PPP2R3B: variants seen among roughly 807,000 people sequenced by gnomAD.
PPP2R3B encodes serine/threonine-protein phosphatase 2A regulatory subunit B'' subunit beta.
PPP2R3B carries 68 observed loss-of-function variants against 72.9 expected under a neutral mutation model. The ratio of observed to expected loss-of-function variants is 0.93; its 90% confidence interval spans 0.77 to 1.14. The LOEUF (loss-of-function observed/expected upper bound fraction) is 1.14, where lower values mean the gene tolerates loss of function less well. Ranked by LOEUF, PPP2R3B falls within the 50% of genes most tolerant of loss-of-function variation. PPP2R3B has a pLI of 0.00. For synonymous variants in PPP2R3B, 466 were observed against 375.8 expected, an observed-to-expected ratio of 1.24 and a Z score of -2.78; for missense variants, 1,018 against 842.0, an observed-to-expected ratio of 1.21 and a Z score of -2.59.
At chrX:346,341 G>C (rs982748705) in intron 5 of PPP2R3B, 81 bp from the exon 6 acceptor site, 1 of 1,398,196 alleles carries the variant, frequency 7.2e-7, no homozygotes, top group Non-Finnish European at 9.8e-7. Flanking sequence ...AGCCGGGAGA[G>C]GGGCGCGCCC....
At position 386,503 on chromosome X, in the gene PPP2R3B, G is replaced by T. The variant is rs1203519522; in HGVS notation, c.189C>A (p.Leu63=). 7.7e-7 allele frequency: 1 copy of T among 1,303,752 alleles called. No individual in the cohort carries two copies. Among genetic ancestry groups the T allele is most frequent in the East Asian group, 3.2e-5 (1 of 31,488 alleles). The allele number at this position is 1,303,752 out of a possible 1,614,324, so 80.8% of individuals were successfully genotyped here. ...EQPGAWPTAP[L]AAPRPSGLEP... ...CGAGCCCGCTGGGCCGGGGGGCGGC[G>T]AGCGGGGCTGTGGGCCAGGCCCCGG... Residue 63 remains leucine (L), a synonymous_variant, in exon 1 of 13, where the codon CTC becomes CTA. Coordinates refer to ENST00000390665, the MANE Select transcript of PPP2R3B (RefSeq NM_013239.5).
intron 2 of PPP2R3B, among the ~76,000 whole-genome samples, chrX:358,392 T>C (rs866549488): frequency 1.1e-5 from 1 of 91,524 alleles, no homozygotes; most frequent in Non-Finnish European, 2.5e-5. Context: ...TCACGGTGGG[T>C]GCTCGAGCAC....
chrX:373,436 G>T (rs927485074), intron 1 of PPP2R3B: 2 of 152,152 alleles, frequency 1.3e-5, no homozygotes, highest in African/African-American at 2.4e-5. Flanking sequence ...GGCCAGCAGC[G>T]GCGAGCGGGG....
Position 338,555 on chromosome X carries a change from C to T in PPP2R3B, c.1577+49G>A, listed in dbSNP as rs374411517. On this transcript the variant is annotated intron_variant, in intron 12 of 12. Transcript: ENST00000390665. ...CCACTCACCCGTCCTCCCCACTCAC[C>T]CGTCCTCCCACTGACCCGTCCCCCC... 929 of 1,375,038 alleles carry T rather than the reference C, an allele frequency of 6.8e-4. 4 individuals are homozygous for T. Among genetic ancestry groups the T allele is most frequent in the Non-Finnish European group, 8.9e-4 (894 of 1,009,292 alleles). The allele number at this position is 1,375,038 out of a possible 1,614,324, so 85.2% of individuals were successfully genotyped here.
chrX:347,449 C>T, intron 3 of PPP2R3B, 113 bp from the exon 4 acceptor site: 2 of 1,347,872 alleles, frequency 1.5e-6, no homozygotes, highest in Non-Finnish European at 2.1e-6. Flanking sequence ...CAGGTGGCCA[C>T]ACACGACGGC....
intron 1 of PPP2R3B, among the ~76,000 whole-genome samples, chrX:368,079 T>G (rs150905538): frequency 6.6e-6 from 1 of 151,956 alleles, no homozygotes; most frequent in Admixed American, 6.6e-5. Context: ...CTGAGCCCGC[T>G]AGGCAAGGCG....
intron 1 of PPP2R3B, 26 bp downstream of exon 1, chrX:386,339 AGTT>A (rs1376648106): frequency 8.4e-6 from 11 of 1,304,780 alleles, no homozygotes; most frequent in African/African-American, 6.1e-5. Context: ...CCACCTGCGC[AGTT>A]GTTAGCAGAA....
In PPP2R3B at chrX:334,214, C is replaced by A. The variant is rs2070821641; in HGVS notation, c.*153G>T. ...GCTCTGGGCAGGTCCAGCCACGAAC[C>A]CACAGCGGCAATCAACACGCTTCTG... is the stretch of plus-strand genomic sequence containing the variant. On this transcript the variant is annotated 3_prime_UTR_variant, in exon 13 of 13. Transcript: ENST00000390665. 4 of 964,188 alleles carry A rather than the reference C, an allele frequency of 4.1e-6. No homozygotes were observed. The highest frequency in any genetic ancestry group is 8.3e-5 in the Admixed American group (2 of 24,188). 59.7% of individuals were successfully genotyped at this position (964,188 alleles called of 1,614,324 possible).
At chrX:373,197 G>A (rs961574968) in intron 1 of PPP2R3B, among the ~76,000 whole-genome samples, 3 of 152,196 alleles carry the variant, frequency 2.0e-5, no homozygotes, top group Admixed American at 6.5e-5. Context: ...AGGCGCTGAC[G>A]GCTCTCACCC....
At chrX:368,108 C>A (rs995675749) in intron 1 of PPP2R3B, among the ~76,000 whole-genome samples, 1 of 152,054 alleles carries the variant, frequency 6.6e-6, no homozygotes, top group African/African-American at 2.4e-5. Context: ...CCACCCCGGG[C>A]ACAGACACAG....
intron 1 of PPP2R3B, among the ~76,000 whole-genome samples, chrX:378,447 G>A (rs746099005): frequency 2.0e-5 from 3 of 152,262 alleles, no homozygotes; most frequent in East Asian, 1.9e-4. Flanking sequence ...TTACGAAGGC[G>A]ACCTGCCCTT....
intron 2 of PPP2R3B, 86 bp downstream of exon 2, chrX:361,319 C>T (rs1374848708): frequency 6.8e-7 from 1 of 1,479,248 alleles, no homozygotes; most frequent in Non-Finnish European, 9.3e-7. Flanking sequence ...GCTCGTGTGA[C>T]ACGCACCCAC....
intron 1 of PPP2R3B, among the ~76,000 whole-genome samples, chrX:374,325 A>G (rs1457043291): frequency 1.3e-5 from 2 of 152,210 alleles, no homozygotes; most frequent in East Asian, 3.9e-4. Flanking sequence ...CTGCGCCTCC[A>G]CAAACACGCA....
rs754955370 is a variant in PPP2R3B, at chrX:340,996, T to G, written c.1176-56A>C. ...CCCTGGGCCCTCCCAGCCCGTGACC[T>G]GCAGCCCCTGAGGCAGCCCCCACCG... On this transcript the variant is annotated intron_variant, in intron 9 of 12. Coordinates refer to ENST00000390665, the MANE Select transcript of PPP2R3B (RefSeq NM_013239.5). The G allele has an allele frequency of 1.9e-4, 302 of 1,560,828 alleles. No homozygotes were observed. In the African/African-American group the frequency reaches 4.6e-3, roughly 24 times the overall value.
intron 2 of PPP2R3B, among the ~76,000 whole-genome samples, chrX:360,923 G>A (rs144287301): frequency 0.01 from 1,530 of 152,298 alleles, 33 homozygotes; most frequent in African/African-American, 0.035. Context: ...ACGCCGCGCC[G>A]CAGCACTCAG....
At chrX:346,294 G>A (rs1447436067) in intron 5 of PPP2R3B, 34 bp from the exon 6 acceptor site, 2 of 1,538,784 alleles carry the variant, frequency 1.3e-6, no homozygotes, top group Admixed American at 3.9e-5. Flanking sequence ...TGGGTGCGCA[G>A]AGACCCCCAG....
At chrX:380,942 T>C (rs910261529) in intron 1 of PPP2R3B, among the ~76,000 whole-genome samples, 3 of 151,550 alleles carry the variant, frequency 2.0e-5, no homozygotes, top group Non-Finnish European at 2.9e-5. Flanking sequence ...TTCTTTCTTT[T>C]TTTTTTTTTT....
At chrX:347,434 C>T (rs748900884) in intron 3 of PPP2R3B, 98 bp from the exon 4 acceptor site, 80 of 1,363,818 alleles carry the variant, frequency 5.9e-5, no homozygotes, top group Non-Finnish European at 8.0e-5. Flanking sequence ...CCACGTGGTG[C>T]GTGGCAGGTG....
At chrX:356,159 A>G (rs895667269) in intron 2 of PPP2R3B, among the ~76,000 whole-genome samples, 3 of 152,270 alleles carry the variant, frequency 2.0e-5, no homozygotes, top group African/African-American at 7.2e-5. Flanking sequence ...CGCAGGGGTC[A>G]ACGCTGCTGC....
Sources: gnomAD v4.1 joint callset for allele counts (sites outside exome capture counted in the v4.1 genomes callset) on GRCh38, gnomAD v4.1.1 for gene constraint, MANE v1.5 for transcripts, NCBI Gene and HGNC (gene_info 2026-07-23, HGNC 2026-07-21) for gene names.